AGO3: variants seen among roughly 807,000 people sequenced by gnomAD.
AGO3 encodes the protein protein argonaute-3.
A neutral mutation model predicts 105.5 loss-of-function variants in AGO3; 16 were observed. The observed-to-expected ratio is 0.15, with a 90% confidence interval of 0.10 to 0.23. The LOEUF (loss-of-function observed/expected upper bound fraction) is 0.23, where lower values mean the gene tolerates loss of function less well. AGO3 is among the 10% of genes least tolerant of loss of function. AGO3 has a pLI of 1.00. For synonymous variants in AGO3, 340 were observed against 367.3 expected, an observed-to-expected ratio of 0.93 and a Z score of 0.85; for missense variants, 534 against 1,088.0, an observed-to-expected ratio of 0.49 and a Z score of 7.16.
intron 1 of AGO3, among the ~76,000 whole-genome samples, chr1:35,933,640 C>CAAAA (rs34254758): frequency 1.3e-3 from 40 of 31,378 alleles, no homozygotes; most frequent in Non-Finnish European, 1.7e-3. Context: ...GACCCTGTCT[C>CAAAA]AAAAAAAAAA....
chr1:35,988,795 T>G (rs1039510990), intron 5 of AGO3, among the ~76,000 whole-genome samples: 2 of 152,170 alleles, frequency 1.3e-5, no homozygotes, highest in Non-Finnish European at 2.9e-5. Flanking sequence ...ATGTAGTCCC[T>G]GAAGTGGGAT....
At chr1:35,935,469 T>C (rs1041982902) in intron 1 of AGO3, among the ~76,000 whole-genome samples, 6 of 152,382 alleles carry the variant, frequency 3.9e-5, no homozygotes, top group African/African-American at 7.2e-5. Context: ...TGAAAAGATA[T>C]CTACATGCTA....
Position 36,055,247 on chromosome 1 carries a change from GA to G in AGO3, c.2474+107del. On this transcript the variant is annotated intron_variant, in intron 18 of 18. Coordinates refer to ENST00000373191, the MANE Select transcript of AGO3 (RefSeq NM_024852.4). The surrounding 1 kb of genome is among the most constrained non-coding windows in gnomAD (Gnocchi z 4.4). ...TATTAGCGGAGTCAGTGATCCATGT[GA>G]AAAATGATGACAGAACTGACTGCCC... The G allele has an allele frequency of 7.9e-7, 1 of 1,262,050 alleles. No homozygotes were observed. 78.2% of individuals were successfully genotyped at this position (1,262,050 alleles called of 1,614,324 possible). A position where few individuals can be genotyped will look rare whatever the true frequency, so the allele number is the denominator to read the frequency against.
intron 2 of AGO3, among the ~76,000 whole-genome samples, chr1:35,952,227 A>T (rs1462017506): frequency 6.9e-6 from 1 of 145,474 alleles, no homozygotes. Flanking sequence ...GCTCACTGCA[A>T]CCTCTGCCTC....
chr1:35,983,600 TAAAA>T, intron 5 of AGO3, among the ~76,000 whole-genome samples: 1 of 151,474 alleles, frequency 6.6e-6, no homozygotes, highest in African/African-American at 2.4e-5. Context: ...AATAAATAAA[TAAAA>T]AGAAAAACAA....
At chr1:35,961,126 T>G (rs1646667722) in intron 2 of AGO3, among the ~76,000 whole-genome samples, 1 of 150,766 alleles carries the variant, frequency 6.6e-6, no homozygotes, top group African/African-American at 2.4e-5. Context: ...TTTTTTTTTG[T>G]ATTTTTAGTT....
At chr1:36,050,471 G>A (rs1412279370) in intron 17 of AGO3, among the ~76,000 whole-genome samples, 1 of 151,930 alleles carries the variant, frequency 6.6e-6, no homozygotes, top group Non-Finnish European at 1.5e-5. Flanking sequence ...GGGCGACAGA[G>A]TGAGACTGTC....
rs1302830000 is a variant in AGO3, at chr1:36,014,187, C to A, written c.1406+139C>A. On this transcript the variant is annotated intron_variant, in intron 11 of 18. Coordinates refer to ENST00000373191, the MANE Select transcript of AGO3 (RefSeq NM_024852.4). ...CATTTTTTTTTTTTTGAGACAGAGT[C>A]TCACTCTGTCACCCAGGCTGAAGTG... is the stretch of plus-strand genomic sequence containing the variant. The A allele has an allele frequency of 5.4e-6, 6 of 1,114,612 alleles. No homozygotes were observed. In the Admixed American group the frequency reaches 1.1e-4, roughly 21 times the overall value. 69.0% of individuals were successfully genotyped at this position (1,114,612 alleles called of 1,614,324 possible). A position where few individuals can be genotyped will look rare whatever the true frequency, so the allele number is the denominator to read the frequency against.
chr1:35,958,923 G>T (rs545477219), intron 2 of AGO3, among the ~76,000 whole-genome samples: 4 of 152,248 alleles, frequency 2.6e-5, no homozygotes, highest in African/African-American at 9.6e-5. Flanking sequence ...TTCATTTATT[G>T]TAGCCATGGA....
chr1:36,045,840 G>A (rs1642447408), intron 17 of AGO3, among the ~76,000 whole-genome samples: 1 of 152,162 alleles, frequency 6.6e-6, no homozygotes, highest in Admixed American at 6.5e-5. Flanking sequence ...ACTGCACTGG[G>A]CCAAACAACT....
At chr1:35,975,008 TA>T (rs1195705541) in intron 5 of AGO3, among the ~76,000 whole-genome samples, 1 of 152,156 alleles carries the variant, frequency 6.6e-6, no homozygotes, top group African/African-American at 2.4e-5. Flanking sequence ...GAGGAGGGGA[TA>T]TATTTAACCA....
intron 5 of AGO3, among the ~76,000 whole-genome samples, chr1:36,003,709 A>AAAAAAAATATATAT (rs1295618675): frequency 3.2e-4 from 32 of 99,426 alleles, no homozygotes; most frequent in Admixed American, 9.2e-4. Flanking sequence ...AAAAAAAAAA[A>AAAAAAAATATATAT]ATATATATAT....
At chr1:35,950,604 G>T (rs901491074) in intron 2 of AGO3, among the ~76,000 whole-genome samples, 7 of 152,076 alleles carry the variant, frequency 4.6e-5, no homozygotes, top group African/African-American at 7.2e-5. Context: ...CCTATTAAAT[G>T]ATTTTGATTG....
chr1:35,963,812 A>T (rs1413042199), intron 2 of AGO3, among the ~76,000 whole-genome samples: 1 of 152,194 alleles, frequency 6.6e-6, no homozygotes, highest in Non-Finnish European at 1.5e-5. Flanking sequence ...ACGTGGTGTC[A>T]ACAACCAGTT....
rs898224699 is a variant in AGO3, at chr1:36,056,058, C to G, written c.*313C>G. On this transcript the variant is annotated 3_prime_UTR_variant, in exon 19 of 19. Transcript: ENST00000373191. The stretch of plus-strand genomic sequence containing the variant: ...GCCTTTACCTCAAGTTGCTTGGCAG[C>G]ACAACTATCTTTGCAAAAAAAAGTA... 9.9e-6 allele frequency: 2 copies of G among 202,550 alleles called. No homozygotes were observed. The highest frequency in any genetic ancestry group is 2.0e-5 in the Non-Finnish European group (2 of 101,304). The allele number at this position is 202,550 out of a possible 1,614,324, so 12.5% of individuals were successfully genotyped here.
intron 1 of AGO3, among the ~76,000 whole-genome samples, chr1:35,940,884 T>C (rs1159061616): frequency 6.6e-6 from 1 of 152,186 alleles, no homozygotes; most frequent in African/African-American, 2.4e-5. Flanking sequence ...TTTCTAAATA[T>C]TGGGAGTATC....
chr1:35,962,222 C>G (rs1646688889), intron 2 of AGO3, among the ~76,000 whole-genome samples: 1 of 152,050 alleles, frequency 6.6e-6, no homozygotes, highest in Admixed American at 6.6e-5. Flanking sequence ...GAAACTTACC[C>G]TGCCCCATAA....
chr1:36,053,997 G>T (rs1055552005), intron 17 of AGO3, among the ~76,000 whole-genome samples: 1 of 151,392 alleles, frequency 6.6e-6, no homozygotes, highest in Non-Finnish European at 1.5e-5. Flanking sequence ...CCCACACCTG[G>T]CTAATTTTTT....
intron 2 of AGO3, among the ~76,000 whole-genome samples, chr1:35,947,423 G>T (rs1006528768): frequency 6.6e-6 from 1 of 151,976 alleles, no homozygotes; most frequent in Non-Finnish European, 1.5e-5. Context: ...CTGTGACCTC[G>T]TAGTACTTGA....
Sources: gnomAD v4.1 joint callset for allele counts (sites outside exome capture counted in the v4.1 genomes callset) on GRCh38, gnomAD v4.1.1 for gene constraint, Gnocchi (gnomAD v3.1) non-coding constraint, MANE v1.5 for transcripts, NCBI Gene and HGNC (gene_info 2026-07-23, HGNC 2026-07-21) for gene names.